PRR16: variants seen among roughly 807,000 people sequenced by gnomAD.
PRR16 encodes proline rich 16, also known as protein Largen.
In PRR16, 6 loss-of-function variants were observed where a neutral mutation model predicts 18.2. The observed-to-expected ratio is 0.33, with a 90% CI of 0.18 to 0.65. The LOEUF is 0.65. PRR16 is among the 30% of genes least tolerant of loss of function. The pLI is 0.74. For synonymous variants in PRR16, 151 were observed against 147.8 expected, an observed-to-expected ratio of 1.02 and a Z score of -0.16; for missense variants, 412 against 376.6, an observed-to-expected ratio of 1.09 and a Z score of -0.78.
At chr5:120,786,337 C>G in the PRR16 span, among the ~76,000 whole-genome samples, 1 of 151,692 alleles carries the variant, frequency 6.6e-6, no homozygotes, top group Non-Finnish European at 1.5e-5. Flanking sequence ...TACTAGACAA[C>G]ATTGCCTATA....
intron 1 of PRR16, among the ~76,000 whole-genome samples, chr5:120,650,362 T>G (rs922736112): frequency 1.3e-5 from 2 of 151,870 alleles, no homozygotes; most frequent in African/African-American, 4.8e-5. Context: ...AGTTTTAGGG[T>G]ACATGTGCAC....
In PRR16 at chr5:120,464,655, G is replaced by C. The variant is rs1561500763; in HGVS notation, c.159+10G>C. 6.5e-7 allele frequency: 1 copy of C among 1,548,740 alleles called. No homozygotes were observed. The highest frequency in any genetic ancestry group is 1.2e-5 in the South Asian group (1 of 84,658). ...CAAGGAACTTAAGGAGGTGAGAGGC[G>C]CAGGGGTGGGGAGGGAGTTCGGCAC... On this transcript the variant is annotated intron_variant, in intron 1 of 1. Coordinates refer to ENST00000407149, the MANE Select transcript of PRR16 (RefSeq NM_001300783.2).
the PRR16 span, among the ~76,000 whole-genome samples, chr5:120,703,522 A>T: frequency 5.5e-4 from 84 of 152,264 alleles, no homozygotes; most frequent in African/African-American, 2.0e-3. Context: ...TTTGTGTTTG[A>T]TGCAATCACT....
chr5:120,598,180 T>A (rs1237442172), intron 1 of PRR16, among the ~76,000 whole-genome samples: 1 of 151,950 alleles, frequency 6.6e-6, no homozygotes, highest in African/African-American at 2.4e-5. Flanking sequence ...TATTTGGAAC[T>A]ACTGGATTGA....
At chr5:120,754,451 TATA>T in the PRR16 span, among the ~76,000 whole-genome samples, 1 of 88,978 alleles carries the variant, frequency 1.1e-5, no homozygotes, top group Non-Finnish European at 2.0e-5. Flanking sequence ...GTATATATTA[TATA>T]ATATATAGTA....
At chr5:120,487,969 G>C (rs1749875226) in intron 1 of PRR16, among the ~76,000 whole-genome samples, 2 of 152,140 alleles carry the variant, frequency 1.3e-5, no homozygotes, top group South Asian at 4.1e-4. Context: ...TGTGTATGTT[G>C]AACCAGCCTT....
intron 1 of PRR16, among the ~76,000 whole-genome samples, chr5:120,549,788 G>T (rs1057019495): frequency 1.3e-5 from 2 of 151,972 alleles, no homozygotes; most frequent in African/African-American, 4.8e-5. Flanking sequence ...TTTAACAAAT[G>T]CTTTTGGAAC....
chr5:120,644,149 C>G (rs146169761), intron 1 of PRR16, among the ~76,000 whole-genome samples: 1 of 152,156 alleles, frequency 6.6e-6, no homozygotes, highest in Non-Finnish European at 1.5e-5. Context: ...TCTCTAATAC[C>G]TAGTTTCTAC....
chr5:120,617,082 A>AT (rs1370440798), intron 1 of PRR16: 1 of 983,070 alleles, frequency 1.0e-6, no homozygotes, highest in Non-Finnish European at 1.2e-6. Flanking sequence ...AAGTTTTCTA[A>AT]TTTTTTTAAC....
chr5:120,490,683 C>T (rs989511225), intron 1 of PRR16, among the ~76,000 whole-genome samples: 7 of 152,166 alleles, frequency 4.6e-5, no homozygotes, highest in African/African-American at 7.2e-5. Flanking sequence ...AGCTTTGTTC[C>T]GTTGCTGGTG....
chr5:120,706,318 T>TCAGTTCCTGAAGAAGAAACTAG, the PRR16 span, among the ~76,000 whole-genome samples: 144,351 of 152,074 alleles, frequency 0.95, 68,848 homozygotes, highest in East Asian at 1. Flanking sequence ...TTGATTTTTG[T>TCAGTTCCTGAAGAAGAAACTAG]CAGTTTGACT....
chr5:120,651,575 T>C (rs1248309518), intron 1 of PRR16, among the ~76,000 whole-genome samples: 1 of 152,208 alleles, frequency 6.6e-6, no homozygotes, highest in Non-Finnish European at 1.5e-5. Context: ...GCACCATTTA[T>C]TAAACAGGGA....
intron 1 of PRR16, among the ~76,000 whole-genome samples, chr5:120,651,844 AG>A (rs1278457038): frequency 6.6e-6 from 1 of 152,020 alleles, no homozygotes; most frequent in Non-Finnish European, 1.5e-5. Flanking sequence ...ACTTTAAAGT[AG>A]TTTTTTCCAA....
intron 1 of PRR16, among the ~76,000 whole-genome samples, chr5:120,490,901 A>G (rs1334119055): frequency 5.3e-5 from 8 of 151,974 alleles, no homozygotes; most frequent in Non-Finnish European, 1.2e-4. Flanking sequence ...GGTCTGTTGG[A>G]GTTTGCTGGA....
intron 1 of PRR16, among the ~76,000 whole-genome samples, chr5:120,541,752 G>A (rs1350520307): frequency 6.6e-6 from 1 of 152,036 alleles, no homozygotes; most frequent in African/African-American, 2.4e-5. Flanking sequence ...CTAGATATGG[G>A]AGTGTTCCTG....
At chr5:120,740,677 A>G in the PRR16 span, among the ~76,000 whole-genome samples, 11 of 152,084 alleles carry the variant, frequency 7.2e-5, no homozygotes, top group African/African-American at 2.4e-4. Context: ...CTATTCTTAA[A>G]CCTTCTCATT....
chr5:120,601,640 A>C (rs1580774074), intron 1 of PRR16, among the ~76,000 whole-genome samples: 1 of 152,038 alleles, frequency 6.6e-6, no homozygotes, highest in Non-Finnish European at 1.5e-5. Flanking sequence ...ATCTTTGCCA[A>C]GTCCTGTGTT....
rs139236298 is a variant in PRR16, at chr5:120,578,891, G to A, written c.160-107063G>A. On this transcript the variant is annotated intron_variant, in intron 1 of 1. Coordinates refer to ENST00000407149, the MANE Select transcript of PRR16 (RefSeq NM_001300783.2). Reference sequence around the variant, plus strand: ...AGTGTAAAAGTGTTCCTATTTCTCCGCACCCTCGCCAGCATCTATTATTGT... The same window carrying A: ...AGTGTAAAAGTGTTCCTATTTCTCCACACCCTCGCCAGCATCTATTATTGT... Among the ~76,000 whole-genome samples, 1,297 of 151,944 alleles carry A rather than the reference G, an allele frequency of 8.5e-3. 17 individuals are homozygous for A. Among genetic ancestry groups the A allele is most frequent in the African/African-American group, 0.022 (896 of 41,498 alleles).
At chr5:120,782,602 AGG>A in the PRR16 span, among the ~76,000 whole-genome samples, 1 of 152,058 alleles carries the variant, frequency 6.6e-6, no homozygotes, top group East Asian at 1.9e-4. Context: ...GTTACAAGGT[AGG>A]GCTCCAGGGA....
Sources: gnomAD v4.1 joint callset for allele counts (sites outside exome capture counted in the v4.1 genomes callset) on GRCh38, gnomAD v4.1.1 for gene constraint, MANE v1.5 for transcripts, NCBI Gene and HGNC (gene_info 2026-07-23, HGNC 2026-07-21) for gene names.